The following TOX variants were observed in gnomAD, a reference collection of about 807,000 sequenced individuals.
TOX encodes the protein thymocyte selection-associated high mobility group box protein TOX.
A neutral mutation model predicts 53.7 loss-of-function variants in TOX; 11 were observed. The observed-to-expected ratio is 0.20, with a 90% confidence interval of 0.13 to 0.34. TOX has a LOEUF of 0.34. TOX is among the 10% of genes least tolerant of loss of function. The probability of loss-of-function intolerance (pLI) is 1.00; values close to 1 mark genes in which losing one functional copy is unlikely to be tolerated. For missense variants in TOX, 570 were observed against 664.6 expected, an observed-to-expected ratio of 0.86 and a Z score of 1.56; for synonymous variants, 225 against 245.3, an observed-to-expected ratio of 0.92 and a Z score of 0.77.
chr8:59,041,922 G>A (rs1276482228), intron 1 of TOX, among the ~76,000 whole-genome samples: 3 of 152,104 alleles, frequency 2.0e-5, no homozygotes, highest in South Asian at 2.1e-4. Flanking sequence ...TAATTCCTGA[G>A]TTATGTTATG....
At chr8:58,944,489 T>C (rs1293507264) in intron 2 of TOX, among the ~76,000 whole-genome samples, 1 of 152,200 alleles carries the variant, frequency 6.6e-6, no homozygotes, top group Admixed American at 6.5e-5. Context: ...AGGAGACAGA[T>C]GTTGGACTAG....
At chr8:58,998,493 GTATATATATATA>G (rs61434586) in intron 1 of TOX, among the ~76,000 whole-genome samples, 14 of 63,616 alleles carry the variant, frequency 2.2e-4, no homozygotes, top group East Asian at 1.4e-3. Context: ...CATCTCAAAA[GTATATATATATA>G]TATATATATA....
chr8:59,079,103 A>T (rs1804349998), intron 1 of TOX, among the ~76,000 whole-genome samples: 1 of 152,158 alleles, frequency 6.6e-6, no homozygotes, highest in Admixed American at 6.5e-5. Context: ...GCTTCTAACA[A>T]CCTAAGCTCA....
intron 1 of TOX, among the ~76,000 whole-genome samples, chr8:58,997,661 G>C (rs553661644): frequency 1.8e-4 from 27 of 152,296 alleles, no homozygotes; most frequent in African/African-American, 6.3e-4. Flanking sequence ...TAAAGGTTCA[G>C]AGTCACAGCC....
intron 3 of TOX, among the ~76,000 whole-genome samples, chr8:58,855,763 C>G (rs1325973817): frequency 6.6e-6 from 1 of 152,188 alleles, no homozygotes; most frequent in African/African-American, 2.4e-5. Flanking sequence ...AAACTCACAC[C>G]TATAACCATC....
chr8:59,038,426 A>C (rs1029578911), intron 1 of TOX, among the ~76,000 whole-genome samples: 3 of 152,128 alleles, frequency 2.0e-5, no homozygotes, highest in Non-Finnish European at 2.9e-5. Flanking sequence ...TTTGCTTGTG[A>C]TATCTCCTTT....
In TOX at chr8:59,054,972, G is replaced by A. The variant is rs532171983; in HGVS notation, c.102+63914C>T. ...AAGAGAGGAGGGAGGGAGGAAGGAA[G>A]GGACGGAGGGAGGGAGGGAGGGAAA... is the stretch of plus-strand genomic sequence containing the variant. On this transcript the variant is annotated intron_variant, in intron 1 of 8. Transcript: ENST00000361421. Among the ~76,000 whole-genome samples the A allele has an allele frequency of 4.3e-3, 622 of 143,704 alleles. 8 individuals carry two copies. The highest frequency in any genetic ancestry group is 0.014 in the African/African-American group (509 of 37,060). The allele number at this position is 143,704 out of a possible 152,430, so 94.3% of individuals were successfully genotyped here. A position where few individuals can be genotyped will look rare whatever the true frequency, so the allele number is the denominator to read the frequency against.
intron 1 of TOX, among the ~76,000 whole-genome samples, chr8:58,999,301 T>C (rs776650574): frequency 6.6e-6 from 1 of 151,942 alleles, no homozygotes; most frequent in African/African-American, 2.4e-5. Flanking sequence ...ATCTGTGATC[T>C]TTAGAATTTC....
chr8:58,878,672 T>G (rs1019333410), intron 3 of TOX, among the ~76,000 whole-genome samples: 6 of 152,182 alleles, frequency 3.9e-5, no homozygotes, highest in African/African-American at 1.4e-4. Flanking sequence ...TTCTGTAGTT[T>G]CTAGCTCTCT....
chr8:58,900,984 T>A (rs2129172780), intron 3 of TOX, among the ~76,000 whole-genome samples: 1 of 152,228 alleles, frequency 6.6e-6, no homozygotes, highest in South Asian at 2.1e-4. Flanking sequence ...AAGAATCCAC[T>A]ATTTTAACCC....
rs547744003 is a variant in TOX at position 58,870,026 on chromosome 8, G to A, written c.412-18221C>T. Among the ~76,000 whole-genome samples, 649 of 152,194 alleles carry A rather than the reference G, an allele frequency of 4.3e-3. 2 individuals are homozygous for A. The highest frequency in any genetic ancestry group is 0.017 in the Middle Eastern group (5 of 294). On this transcript the variant is annotated intron_variant, in intron 3 of 8. Coordinates refer to ENST00000361421, the MANE Select transcript of TOX (RefSeq NM_014729.3). ...CTAAGATCAGAAACAAATCAAGGAT[G>A]TCCCCTTTCACTACTATTATTCAAC...
At chr8:58,979,335 TTG>T (rs1813159546) in intron 1 of TOX, among the ~76,000 whole-genome samples, 1 of 152,198 alleles carries the variant, frequency 6.6e-6, no homozygotes, top group South Asian at 2.1e-4. Context: ...AAAATTCCAT[TTG>T]TGTTTCAGGC....
At chr8:58,871,379 C>A (rs2129170018) in intron 3 of TOX, among the ~76,000 whole-genome samples, 1 of 152,114 alleles carries the variant, frequency 6.6e-6, no homozygotes, top group South Asian at 2.1e-4. Flanking sequence ...TAACCTCATA[C>A]AAAGTAAACC....
At chr8:58,871,682 G>A (rs1156840426) in intron 3 of TOX, among the ~76,000 whole-genome samples, 1 of 152,104 alleles carries the variant, frequency 6.6e-6, no homozygotes, top group Non-Finnish European at 1.5e-5. Context: ...ATGGTGGAAT[G>A]GAACCCTGAT....
rs900633698 is a variant in TOX at position 58,851,941 on chromosome 8, T to A, written c.412-136A>T. The A allele has an allele frequency of 1.0e-5, 8 of 764,152 alleles. No individual in the cohort carries two copies. In the African/African-American group the frequency reaches 1.5e-4, roughly 14 times the overall value. 47.3% of individuals were successfully genotyped at this position (764,152 alleles called of 1,614,324 possible). A position where few individuals can be genotyped will look rare whatever the true frequency, so the allele number is the denominator to read the frequency against. On this transcript the variant is annotated intron_variant, in intron 3 of 8. Coordinates refer to ENST00000361421, the MANE Select transcript of TOX (RefSeq NM_014729.3). This position sits in a 1 kb window ranked among gnomAD's most constrained non-coding sequence, Gnocchi z 4.4. Reference sequence around the variant, plus strand: ...TTCTGCTGAGTTACATACACATTTATTTTATCTGGGGTAAAATAATCCTAA... The same window carrying A: ...TTCTGCTGAGTTACATACACATTTAATTTATCTGGGGTAAAATAATCCTAA...
chr8:59,006,057 A>C (rs1813786676), intron 1 of TOX, among the ~76,000 whole-genome samples: 1 of 152,222 alleles, frequency 6.6e-6, no homozygotes, highest in Non-Finnish European at 1.5e-5. Flanking sequence ...GCTCTTGCTT[A>C]AGGATAGGTT....
At chr8:58,974,555 G>T (rs1813057540) in intron 1 of TOX, among the ~76,000 whole-genome samples, 1 of 152,108 alleles carries the variant, frequency 6.6e-6, no homozygotes, top group Non-Finnish European at 1.5e-5. Flanking sequence ...GTGTTTAGGT[G>T]TGGTGTTCAA....
At chr8:58,912,326 C>A (rs764066503) in intron 3 of TOX, among the ~76,000 whole-genome samples, 31 of 152,206 alleles carry the variant, frequency 2.0e-4, no homozygotes, top group Non-Finnish European at 4.3e-4. Flanking sequence ...CAATTCAATT[C>A]ATTTTACTAG....
At chr8:58,968,718 GA>G (rs1253274946) in intron 1 of TOX, among the ~76,000 whole-genome samples, 1 of 152,052 alleles carries the variant, frequency 6.6e-6, no homozygotes, top group Non-Finnish European at 1.5e-5. Flanking sequence ...GATGCATAGA[GA>G]AAAAAGTAAG....
Sources: allele counts gnomAD v4.1 joint callset (sites outside exome capture counted in the v4.1 genomes callset), GRCh38; gene constraint gnomAD v4.1.1; non-coding constraint Gnocchi (gnomAD v3.1); transcripts MANE v1.5; gene names NCBI Gene and HGNC (gene_info 2026-07-23, HGNC 2026-07-21).